The following UGT1A6 variants were observed in gnomAD, a reference collection of about 807,000 sequenced individuals.
UGT1A6 encodes the protein UDP glucuronosyltransferase family 1 member A6.
Under a neutral mutation model 44.4 loss-of-function variants are expected in UGT1A6, and 32 were observed. The ratio of observed to expected loss-of-function variants is 0.72; its 90% CI spans 0.54 to 0.97. The LOEUF is 0.97. Among genes scored for constraint, UGT1A6 ranks in the 50% least tolerant of loss-of-function variants. UGT1A6 has a pLI of 0.00. For missense variants in UGT1A6, 685 were observed against 661.9 expected (o/e 1.03, Z -0.38); for synonymous variants, 238 against 248.5 (o/e 0.96, Z 0.40).
At chr2:233,721,339 A>G (rs1028958068) in intron 1 of UGT1A6, among the ~76,000 whole-genome samples, 3 of 152,110 alleles carry the variant, frequency 2.0e-5, no homozygotes, top group African/African-American at 7.2e-5. Context: ...TTCACTATGA[A>G]TATATTCTTT....
At chr2:233,743,990 C>G (rs541433916) in intron 1 of UGT1A6, 2 of 1,267,322 alleles carry the variant, frequency 1.6e-6, no homozygotes, top group South Asian at 2.6e-5. Context: ...GGCGCAGGCC[C>G]GAGTGCTCGG....
In UGT1A6 at chr2:233,747,979, T is replaced by C. The variant is rs1334158075; in HGVS notation, c.862-19055T>C. 3.7e-6 allele frequency: 6 copies of C among 1,613,558 alleles called. No homozygotes were observed. The East Asian group carries it at 1.3e-4, about 36-fold the overall frequency. ...CTTCTCAGCCATGCATCTGTGTGGCTGTTCCGAGGGGACTTTGTGATGGAT... is the reference window on the plus strand; with the variant it reads ...CTTCTCAGCCATGCATCTGTGTGGCCGTTCCGAGGGGACTTTGTGATGGAT... On this transcript the variant is annotated intron_variant, in intron 1 of 4. Transcript: ENST00000305139.
At chr2:233,743,773 C>A (rs367921172) in intron 1 of UGT1A6, 4 of 1,367,248 alleles carry the variant, frequency 2.9e-6, no homozygotes, top group African/African-American at 1.5e-5. Context: ...CCTCGGCCAC[C>A]TGCTTGAATC....
intron 1 of UGT1A6, among the ~76,000 whole-genome samples, chr2:233,764,816 T>C (rs4148326): frequency 0.49 from 74,710 of 151,838 alleles, 18,875 homozygotes; most frequent in African/African-American, 0.6. Flanking sequence ...AACCAAAAAA[T>C]GCAGCATGGT....
Position 233,720,581 on chromosome 2 carries a change from A to G in UGT1A6, c.861+26716A>G, listed in dbSNP as rs181667359. On this transcript the variant is annotated intron_variant, in intron 1 of 4. Transcript: ENST00000305139. ...AGTGGGATCTATTCTTTTTCCAAAA[A>G]TTTCAGAGGTGACTTTCATTAATAC... Among the ~76,000 whole-genome samples, 178 of 152,248 alleles carry G rather than the reference A, an allele frequency of 1.2e-3. 1 individual carries two copies. The highest frequency in any genetic ancestry group is 5.3e-3 in the Admixed American group (81 of 15,296).
At chr2:233,744,382 C>T (rs1464518756) in intron 1 of UGT1A6, among the ~76,000 whole-genome samples, 13 of 151,968 alleles carry the variant, frequency 8.6e-5, no homozygotes, top group Non-Finnish European at 1.3e-4. Flanking sequence ...AGTTCTCCAA[C>T]GTTCCAGCCC....
chr2:233,746,961 G>C (rs1559391605), intron 1 of UGT1A6, among the ~76,000 whole-genome samples: 1 of 151,802 alleles, frequency 6.6e-6, no homozygotes, highest in Non-Finnish European at 1.5e-5. Flanking sequence ...CTTGAACTTG[G>C]ATGTTCCCCA....
At chr2:233,718,023 A>C (rs1438994105) in intron 1 of UGT1A6, 4 of 389,712 alleles carry the variant, frequency 1.0e-5, no homozygotes, top group African/African-American at 4.2e-5. Flanking sequence ...CCAGCTCCCC[A>C]GGTCCTTTGG....
At chr2:233,718,645 A>G in intron 1 of UGT1A6, 1 of 1,494,710 alleles carries the variant, frequency 6.7e-7, no homozygotes, top group Non-Finnish European at 9.0e-7. Context: ...GGTTGGGCCC[A>G]TAACGAAAGG....
Position 233,767,867 on chromosome 2 carries a change from G to A in UGT1A6, c.1012G>A (p.Gly338Arg). ...CTCCCAGGTCCTGTGGCGGTACACTGGAACCCGACCATCGAATCTTGCGAA... is the reference window on the plus strand; with the variant it reads ...CTCCCAGGTCCTGTGGCGGTACACTAGAACCCGACCATCGAATCTTGCGAA... ...IPQTVLWRYT[G>R]TRPSNLANNT... Residue 338 changes from glycine to arginine, a missense_variant, in exon 3 of 5, where the codon GGA (glycine) becomes AGA (arginine). Coordinates refer to ENST00000305139, the MANE Select transcript of UGT1A6 (RefSeq NM_001072.4). The A allele has an allele frequency of 1.2e-6, 2 of 1,614,118 alleles. No individual in the cohort carries two copies. Among genetic ancestry groups the A allele is most frequent in the Non-Finnish European group, 1.7e-6 (2 of 1,180,024 alleles).
At chr2:233,745,561 A>G (rs1490728592) in intron 1 of UGT1A6, among the ~76,000 whole-genome samples, 1 of 151,724 alleles carries the variant, frequency 6.6e-6, no homozygotes, top group Admixed American at 6.6e-5. Context: ...CTAAGTTTAT[A>G]TAGCCTCTAG....
At position 233,769,420 on chromosome 2, in the gene UGT1A6, T is replaced by C; in HGVS notation, c.1301+981T>C. 1 of 1,459,970 alleles carries C rather than the reference T, an allele frequency of 6.8e-7. No homozygotes were observed. The highest frequency in any genetic ancestry group is 1.8e-4 in the Middle Eastern group (1 of 5,568). 90.4% of individuals were successfully genotyped at this position (1,459,970 alleles called of 1,614,324 possible). ...GCATATGTGCGTGTGCGTTTGTGCA[T>C]GTGGCTGTGCTCATGTGTGGGTGCA... is the stretch of plus-strand genomic sequence containing the variant. On this transcript the variant is annotated intron_variant, in intron 4 of 4. Coordinates refer to ENST00000305139, the MANE Select transcript of UGT1A6 (RefSeq NM_001072.4). This position sits in a 1 kb window ranked among gnomAD's most constrained non-coding sequence, Gnocchi z 4.4.
intron 1 of UGT1A6, chr2:233,760,103 T>C: frequency 1.7e-6 from 2 of 1,163,022 alleles, no homozygotes; most frequent in Non-Finnish European, 2.3e-6. Context: ...TGTTGCCTAT[T>C]AAGAAACCTA....
rs2077428129 is a variant in UGT1A6 at position 233,725,300 on chromosome 2, AGAGGCAGAGGCAGAGGCG to A, written c.861+31436_861+31453del. 1.1e-4 allele frequency among the ~76,000 whole-genome samples: 8 copies of A among 74,572 alleles called. 3 individuals carry two copies. The South Asian group carries it at 4.5e-3, about 42-fold the overall frequency. 48.9% of individuals were successfully genotyped at this position (74,572 alleles called of 152,430 possible). ...CAGAGGCAGAGGCAGAGGCAGAGGCAGAGGCAGAGGCAGAGGCGCCTGGTCAACAATCTTAAGTCCAAT... is the reference window on the plus strand; with the variant it reads ...CAGAGGCAGAGGCAGAGGCAGAGGCACCTGGTCAACAATCTTAAGTCCAAT... On this transcript the variant is annotated intron_variant, in intron 1 of 4. Transcript: ENST00000305139.
In UGT1A6 at chr2:233,772,954, T is replaced by C; in HGVS notation, c.*395T>C. 6.3e-6 allele frequency: 2 copies of C among 319,870 alleles called. No individual in the cohort carries two copies. Among genetic ancestry groups the C allele is most frequent in the Non-Finnish European group, 1.2e-5 (2 of 168,958 alleles). 19.8% of individuals were successfully genotyped at this position (319,870 alleles called of 1,614,324 possible). ...CTTATCTTTTGGCTTCTGCAGATGG[T>C]TGCAATTGATCCTTAACCAATAATG... On this transcript the variant is annotated 3_prime_UTR_variant, in exon 5 of 5. Transcript: ENST00000305139.
At chr2:233,770,709 G>A (rs1700141819) in intron 4 of UGT1A6, 2 of 151,546 alleles carry the variant, frequency 1.3e-5, no homozygotes, top group East Asian at 3.9e-4. Context: ...TAAGGTTTAT[G>A]TAAAAGGAAG....
intron 1 of UGT1A6, among the ~76,000 whole-genome samples, chr2:233,705,699 T>A (rs2075866580): frequency 6.6e-6 from 1 of 152,196 alleles, no homozygotes; most frequent in Admixed American, 6.5e-5. Context: ...GGTATAAAAA[T>A]TCACCAGTAT....
chr2:233,693,984 A>G, intron 1 of UGT1A6, 119 bp downstream of exon 1: 1 of 1,550,602 alleles, frequency 6.4e-7, no homozygotes, highest in Non-Finnish European at 8.7e-7. Context: ...CGGTGGGGGG[A>G]AGTGATACCC....
intron 1 of UGT1A6, among the ~76,000 whole-genome samples, chr2:233,763,758 G>C (rs1698394922): frequency 6.6e-6 from 1 of 152,148 alleles, no homozygotes; most frequent in South Asian, 2.1e-4. Flanking sequence ...TGTGTCTGAA[G>C]GAAAAGAGAT....
Sources: gnomAD v4.1 joint callset for allele counts (sites outside exome capture counted in the v4.1 genomes callset) on GRCh38, gnomAD v4.1.1 for gene constraint, Gnocchi (gnomAD v3.1) non-coding constraint, MANE v1.5 for transcripts, NCBI Gene and HGNC (gene_info 2026-07-23, HGNC 2026-07-21) for gene names.